BLNK: variants seen among roughly 807,000 people sequenced by gnomAD.
BLNK encodes B cell linker, also known as B-cell linker protein.
BLNK carries 29 observed loss-of-function variants against 73.5 expected under a neutral mutation model. The ratio of observed to expected loss-of-function variants is 0.39; its 90% CI spans 0.29 to 0.54. The LOEUF is 0.54. Among genes scored for constraint, BLNK ranks in the 20% least tolerant of loss-of-function variants. The pLI is 0.61. For synonymous variants in BLNK, 176 were observed against 200.8 expected (o/e 0.88, Z 1.04); for missense variants, 460 against 562.8 (o/e 0.82, Z 1.85).
At chr10:96,202,024 C>A (rs587725977) in intron 13 of BLNK, among the ~76,000 whole-genome samples, 1 of 151,912 alleles carries the variant, frequency 6.6e-6, no homozygotes, top group Non-Finnish European at 1.5e-5. Flanking sequence ...AAGAATGTCC[C>A]GGGTAGAGGG....
At chr10:96,238,004 T>C (rs782517692) in intron 3 of BLNK, among the ~76,000 whole-genome samples, 1 of 152,366 alleles carries the variant, frequency 6.6e-6, no homozygotes, top group Admixed American at 6.5e-5. Flanking sequence ...TTTGGATATC[T>C]TCCCTTCCCA....
chr10:96,212,317 C>G (rs2083967361), intron 8 of BLNK, among the ~76,000 whole-genome samples: 1 of 151,846 alleles, frequency 6.6e-6, no homozygotes, highest in Non-Finnish European at 1.5e-5. Flanking sequence ...TGGATCAAGG[C>G]AGGTTGAACA....
At chr10:96,262,754 A>C (rs1005966245) in intron 1 of BLNK, among the ~76,000 whole-genome samples, 1 of 152,206 alleles carries the variant, frequency 6.6e-6, no homozygotes, top group Non-Finnish European at 1.5e-5. Flanking sequence ...TGTGGAATTC[A>C]AGTTTGGGCC....
chr10:96,224,779 C>A (rs1554902090), intron 5 of BLNK, among the ~76,000 whole-genome samples: 1 of 152,154 alleles, frequency 6.6e-6, no homozygotes, highest in Admixed American at 6.5e-5. Context: ...GTTACTGCAA[C>A]CTCCGCCTCC....
intron 3 of BLNK, chr10:96,238,741 G>C (rs1554905579): frequency 6.1e-6 from 1 of 164,314 alleles, no homozygotes; most frequent in African/African-American, 2.4e-5. Flanking sequence ...GTAAGAGCAG[G>C]GGAAACTGGG....
At chr10:96,230,760 T>C (rs1554903766) in intron 4 of BLNK, 34 bp downstream of exon 4, 1 of 1,598,516 alleles carries the variant, frequency 6.3e-7, no homozygotes, top group East Asian at 2.2e-5. Flanking sequence ...CATGGGACCC[T>C]GATGCCCTCC....
At chr10:96,196,175 C>A (rs1554894631) in intron 16 of BLNK, among the ~76,000 whole-genome samples, 1 of 152,188 alleles carries the variant, frequency 6.6e-6, no homozygotes, top group Non-Finnish European at 1.5e-5. Context: ...ATAGATTGTT[C>A]TTCCCATTTT....
At chr10:96,199,365 G>C (rs587619029) in intron 15 of BLNK, 4 of 265,336 alleles carry the variant, frequency 1.5e-5, no homozygotes, top group East Asian at 2.0e-4. Context: ...TTTTTTGTTT[G>C]TTTGTTTGTT....
intron 1 of BLNK, among the ~76,000 whole-genome samples, chr10:96,266,116 A>G (rs543726215): frequency 1.3e-5 from 2 of 152,228 alleles, no homozygotes; most frequent in Middle Eastern, 6.8e-3. Flanking sequence ...TTTCTTGCTC[A>G]TGTAAGACCT....
At chr10:96,218,570 T>C (rs2084120904) in intron 6 of BLNK, among the ~76,000 whole-genome samples, 1 of 152,150 alleles carries the variant, frequency 6.6e-6, no homozygotes, top group South Asian at 2.1e-4. Context: ...GGTATGCACC[T>C]GTAGTCCCAG....
At chr10:96,192,920 G>A (rs1329917576) in intron 16 of BLNK, among the ~76,000 whole-genome samples, 1 of 152,156 alleles carries the variant, frequency 6.6e-6, no homozygotes, top group African/African-American at 2.4e-5. Flanking sequence ...GAGTTTAGCA[G>A]TTACTATCAA....
intron 5 of BLNK, 28 bp downstream of exon 5, chr10:96,227,382 G>C: frequency 1.9e-6 from 3 of 1,609,548 alleles, no homozygotes; most frequent in Non-Finnish European, 2.5e-6. Context: ...CTGGAAGGCC[G>C]AGTGCCCAGG....
At position 96,190,268 on chromosome 10, in the gene BLNK, C is replaced by T. The variant is rs1247967278; in HGVS notation, c.*1705G>A. On this transcript the variant is annotated 3_prime_UTR_variant, in exon 17 of 17. Transcript: ENST00000224337. The stretch of plus-strand genomic sequence containing the variant: ...GGGAGAGAAAGCAGACGGAGATAAA[C>T]GACCACTGCTCAAGAGAACAGCCAT... 3.9e-5 allele frequency: 28 copies of T among 709,368 alleles called. No homozygotes were observed. Among genetic ancestry groups the T allele is most frequent in the Middle Eastern group, 3.9e-4 (1 of 2,568 alleles). 43.9% of individuals were successfully genotyped at this position (709,368 alleles called of 1,614,324 possible). A position where few individuals can be genotyped will look rare whatever the true frequency, so the allele number is the denominator to read the frequency against.
At chr10:96,202,244 G>A (rs1195869089) in intron 13 of BLNK, among the ~76,000 whole-genome samples, 6 of 152,134 alleles carry the variant, frequency 3.9e-5, no homozygotes, top group Non-Finnish European at 8.8e-5. Context: ...TTGAACAGGG[G>A]GGTAACATGA....
At chr10:96,221,516 G>A (rs587596942) in intron 6 of BLNK, among the ~76,000 whole-genome samples, 9 of 151,996 alleles carry the variant, frequency 5.9e-5, no homozygotes, top group African/African-American at 1.7e-4. Flanking sequence ...ATTCCAGAAC[G>A]CCCCCGCCTT....
intron 9 of BLNK, among the ~76,000 whole-genome samples, 190 bp from the exon 10 acceptor site, chr10:96,208,089 C>G (rs1228354717): frequency 6.6e-6 from 1 of 152,092 alleles, no homozygotes; most frequent in Non-Finnish European, 1.5e-5. Context: ...CAGATGGAGT[C>G]TGCTGACAGA....
At chr10:96,256,491 G>A (rs1843517421) in intron 1 of BLNK, among the ~76,000 whole-genome samples, 1 of 151,562 alleles carries the variant, frequency 6.6e-6, no homozygotes, top group Non-Finnish European at 1.5e-5. Context: ...ATTGACTCTG[G>A]GTTTCTTTTT....
At position 96,190,843 on chromosome 10, in the gene BLNK, G is replaced by T. The variant is rs2083316483; in HGVS notation, c.*1130C>A. 1.3e-5 allele frequency among the ~76,000 whole-genome samples: 2 copies of T among 152,070 alleles called. No individual in the cohort carries two copies. Among genetic ancestry groups the T allele is most frequent in the Non-Finnish European group, 2.9e-5 (2 of 68,016 alleles). On this transcript the variant is annotated 3_prime_UTR_variant, in exon 17 of 17. Coordinates refer to ENST00000224337, the MANE Select transcript of BLNK (RefSeq NM_013314.4). ...CACGATGGTATCTCTTTTATTCCTT[G>T]GTGTTCACCAATGTCTGCTTTTCTG...
chr10:96,209,961 C>T, intron 8 of BLNK, 54 bp from the exon 9 acceptor site: 2 of 1,585,958 alleles, frequency 1.3e-6, no homozygotes, highest in Non-Finnish European at 1.7e-6. Flanking sequence ...GGGGCTGATG[C>T]TCACACTGAG....
Sources: gnomAD v4.1 joint callset for allele counts (sites outside exome capture counted in the v4.1 genomes callset) on GRCh38, gnomAD v4.1.1 for gene constraint, MANE v1.5 for transcripts, NCBI Gene and HGNC (gene_info 2026-07-23, HGNC 2026-07-21) for gene names.